The following PACS2 variants were observed in gnomAD, a reference collection of about 807,000 sequenced individuals.
PACS2 encodes the protein phosphofurin acidic cluster sorting protein 2.
In PACS2, 36 loss-of-function variants were observed where a neutral mutation model predicts 113.0. The ratio of observed to expected loss-of-function variants is 0.32; its 90% CI spans 0.24 to 0.42. The LOEUF is 0.42. PACS2 is among the 10% of genes least tolerant of loss of function. The pLI, the probability that PACS2 is intolerant of heterozygous loss-of-function variation, is 1.00. For synonymous variants in PACS2, 589 were observed against 536.1 expected (o/e 1.10, Z -1.36); for missense variants, 1,015 against 1,239.5 (o/e 0.82, Z 2.72).
Position 105,315,496 on chromosome 14 carries a change from C to T in PACS2, c.119+459C>T, listed in dbSNP as rs1374091167. The T allele has an allele frequency of 6.6e-6, 1 of 152,284 alleles. No homozygotes were observed. Among genetic ancestry groups the T allele is most frequent in the Non-Finnish European group, 1.5e-5 (1 of 68,064 alleles). 9.4% of individuals were successfully genotyped at this position (152,284 alleles called of 1,614,324 possible). ...GGCGCGCAGGACTCGGTTGTATCCT[C>T]CGTCCAGCGCGCGGTGGAGATGCCC... On this transcript the variant is annotated intron_variant, in intron 1 of 24. Coordinates refer to ENST00000447393, the MANE Select transcript of PACS2 (RefSeq NM_001100913.3). This position sits in a 1 kb window ranked among gnomAD's most constrained non-coding sequence, Gnocchi z 4.4.
chr14:105,353,512 ATCT>A (rs1410409070), intron 3 of PACS2, among the ~76,000 whole-genome samples: 1 of 152,068 alleles, frequency 6.6e-6, no homozygotes, highest in Admixed American at 6.5e-5. Flanking sequence ...GTTACTGCAG[ATCT>A]TCTGTTGATT....
In PACS2 at chr14:105,357,833, G is replaced by A. The variant is rs1555405596; in HGVS notation, c.423+2656G>A. On this transcript the variant is annotated intron_variant, in intron 4 of 24. Coordinates refer to ENST00000447393, the MANE Select transcript of PACS2 (RefSeq NM_001100913.3). This position sits in a 1 kb window ranked among gnomAD's most constrained non-coding sequence, Gnocchi z 5.1. ...CCATAGGGACTGTCGTGAGAGTGGG[G>A]TGTCGGTGAGGCTGGCGCCATGCAT... is the stretch of plus-strand genomic sequence containing the variant. 6.6e-6 allele frequency among the ~76,000 whole-genome samples: 1 copy of A among 152,214 alleles called. No homozygotes were observed. Among genetic ancestry groups the A allele is most frequent in the Non-Finnish European group, 1.5e-5 (1 of 68,036 alleles).
rs1358410182 is a variant in PACS2 at position 105,315,763 on chromosome 14, A to G, written c.119+726A>G. 6.6e-6 allele frequency among the ~76,000 whole-genome samples: 1 copy of G among 152,214 alleles called. No individual in the cohort carries two copies. The highest frequency in any genetic ancestry group is 1.5e-5 in the Non-Finnish European group (1 of 68,038). On this transcript the variant is annotated intron_variant, in intron 1 of 24. Coordinates refer to ENST00000447393, the MANE Select transcript of PACS2 (RefSeq NM_001100913.3). This position sits in a 1 kb window ranked among gnomAD's most constrained non-coding sequence, Gnocchi z 4.4. The stretch of plus-strand genomic sequence containing the variant: ...TGCAGCTTCCCTGAGTCTCCTGCTC[A>G]GTTTGAAACTTTTGTAATTTCTTCG...
chr14:105,364,103 T>C (rs587751300), intron 4 of PACS2, among the ~76,000 whole-genome samples: 2 of 151,890 alleles, frequency 1.3e-5, no homozygotes. Flanking sequence ...GTGAAGAAGT[T>C]TGAAATATTG....
intron 22 of PACS2, 52 bp from the exon 23 acceptor site, chr14:105,392,567 C>T: frequency 6.8e-7 from 1 of 1,466,572 alleles, no homozygotes; most frequent in South Asian, 1.2e-5. Context: ...GTGATGTCCC[C>T]ATCACTAGGC....
At chr14:105,394,031 C>A (rs2081458082) in intron 24 of PACS2, among the ~76,000 whole-genome samples, 1 of 141,496 alleles carries the variant, frequency 7.1e-6, no homozygotes, top group Non-Finnish European at 1.5e-5. Flanking sequence ...GAGCAAGACT[C>A]CGCCTCAAAA....
intron 19 of PACS2, chr14:105,388,726 AAGAC>A (rs1192785938): frequency 6.6e-6 from 1 of 152,310 alleles, no homozygotes; most frequent in African/African-American, 2.4e-5. Context: ...CTCCGCCTGT[AAGAC>A]AGCCACTTGC....
chr14:105,383,233 A>T, intron 15 of PACS2, 126 bp from the exon 16 acceptor site: 1 of 1,097,772 alleles, frequency 9.1e-7, no homozygotes, highest in Non-Finnish European at 1.4e-6. Context: ...GGGCAGCTCC[A>T]GGGCAGTTGT....
chr14:105,308,850 T>G (rs2058267704), intron 1 of PACS2, among the ~76,000 whole-genome samples: 1 of 151,954 alleles, frequency 6.6e-6, no homozygotes, highest in African/African-American at 2.4e-5. Context: ...GGTTCACACT[T>G]GTAATCCCAG....
chr14:105,326,472 T>A (rs2059112738), intron 1 of PACS2, among the ~76,000 whole-genome samples: 1 of 152,236 alleles, frequency 6.6e-6, no homozygotes, highest in African/African-American at 2.4e-5. Flanking sequence ...GGTGCGGTGC[T>A]GAATTGGGCT....
At chr14:105,369,760 G>T in intron 7 of PACS2, 81 bp from the exon 8 acceptor site, 1 of 1,270,232 alleles carries the variant, frequency 7.9e-7, no homozygotes, top group Admixed American at 2.0e-5. Flanking sequence ...GCCTGGGTGC[G>T]GCCTGGGCCT....
chr14:105,338,987 G>A (rs1325142837), intron 1 of PACS2, among the ~76,000 whole-genome samples: 1 of 152,194 alleles, frequency 6.6e-6, no homozygotes, highest in Non-Finnish European at 1.5e-5. Context: ...CTGACTGCAG[G>A]TATCCAGGCA....
chr14:105,379,322 T>C (rs1291509312), intron 9 of PACS2, among the ~76,000 whole-genome samples: 1 of 152,248 alleles, frequency 6.6e-6, no homozygotes, highest in Non-Finnish European at 1.5e-5. Context: ...TTGTCGAGCA[T>C]GTTCACCTGT....
chr14:105,301,294 G>A (rs1040677310), intron 1 of PACS2: 14 of 146,542 alleles, frequency 9.6e-5, no homozygotes, highest in African/African-American at 2.7e-4. Flanking sequence ...CTGGGGTGAG[G>A]ACTCAGCCGG....
rs1455608470 is a variant in PACS2, at chr14:105,355,973, C to T, written c.423+796C>T. ...TGTTCAGGGGTCCAGGGGCTGCGGG[C>T]GTGAGTGGTGCTTGGGGCATGTGAA... On this transcript the variant is annotated intron_variant, in intron 4 of 24. Transcript: ENST00000447393. The surrounding 1 kb of genome is among the most constrained non-coding windows in gnomAD (Gnocchi z 4.1). 2.0e-5 allele frequency among the ~76,000 whole-genome samples: 3 copies of T among 152,102 alleles called. No individual in the cohort carries two copies. The highest frequency in any genetic ancestry group is 7.2e-5 in the African/African-American group (3 of 41,428).
upstream of PACS2, among the ~76,000 whole-genome samples, chr14:105,312,614 AG>A (rs1329262085): frequency 6.6e-6 from 1 of 151,992 alleles, no homozygotes; most frequent in Non-Finnish European, 1.5e-5. Flanking sequence ...CCCAGCCTTC[AG>A]GGGATCTCCT....
intron 8 of PACS2, among the ~76,000 whole-genome samples, chr14:105,373,614 G>A (rs1190362315): frequency 3.3e-5 from 5 of 152,014 alleles, no homozygotes; most frequent in East Asian, 3.9e-4. Context: ...TAGTGAAATC[G>A]CATCTCTACT....
chr14:105,391,873 C>A, intron 22 of PACS2, 107 bp downstream of exon 22: 2 of 1,187,514 alleles, frequency 1.7e-6, no homozygotes, highest in Non-Finnish European at 2.3e-6. Flanking sequence ...GGCACCTGGC[C>A]TGTCAGCCAC....
At chr14:105,372,593 T>C (rs1555409601) in intron 8 of PACS2, 1 of 152,176 alleles carries the variant, frequency 6.6e-6, no homozygotes, top group Non-Finnish European at 1.5e-5. Flanking sequence ...GAAATTTGCT[T>C]TCTGAAAGGT....
Sources: gnomAD v4.1 joint callset for allele counts (sites outside exome capture counted in the v4.1 genomes callset) on GRCh38, gnomAD v4.1.1 for gene constraint, Gnocchi (gnomAD v3.1) non-coding constraint, MANE v1.5 for transcripts, NCBI Gene and HGNC (gene_info 2026-07-23, HGNC 2026-07-21) for gene names.